MALRD1: variants seen among roughly 807,000 people sequenced by gnomAD.
MALRD1 encodes MAM and LDL-receptor class A domain-containing protein 1.
In MALRD1, 247 loss-of-function variants were observed where a neutral mutation model predicts 242.1. The ratio of observed to expected loss-of-function variants is 1.02; its 90% CI spans 0.92 to 1.13. The LOEUF (loss-of-function observed/expected upper bound fraction) is 1.13, where lower values mean the gene tolerates loss of function less well. Ranked by LOEUF, MALRD1 falls within the 50% of genes most tolerant of loss-of-function variation. The pLI, the probability that MALRD1 is intolerant of heterozygous loss-of-function variation, is 0.00. For missense variants in MALRD1, 2,989 were observed against 2,533.1 expected (o/e 1.18, Z -3.86); for synonymous variants, 995 against 866.6 (o/e 1.15, Z -2.60).
chr10:19,495,051 A>G (rs1357150578), intron 30 of MALRD1, among the ~76,000 whole-genome samples: 1 of 151,116 alleles, frequency 6.6e-6, no homozygotes, highest in African/African-American at 2.4e-5. Flanking sequence ...ATCTCAGCTC[A>G]CTGCAACCTC....
At chr10:19,640,432 T>C (rs981309452) in intron 36 of MALRD1, among the ~76,000 whole-genome samples, 1 of 152,138 alleles carries the variant, frequency 6.6e-6, no homozygotes, top group African/African-American at 2.4e-5. Flanking sequence ...TAGGGTCCCA[T>C]TGCAACATCC....
chr10:19,462,765 A>G (rs1836009464), intron 29 of MALRD1, among the ~76,000 whole-genome samples: 2 of 152,340 alleles, frequency 1.3e-5, no homozygotes, highest in South Asian at 4.1e-4. Flanking sequence ...ATAAAAAGTA[A>G]TGAACTGCAC....
At chr10:19,358,582 C>T (rs1047073049) in intron 26 of MALRD1, among the ~76,000 whole-genome samples, 2 of 152,172 alleles carry the variant, frequency 1.3e-5, no homozygotes, top group African/African-American at 4.8e-5. Flanking sequence ...TGCTTACTAA[C>T]TGTGTGATGT....
At chr10:19,627,230 G>A (rs12358323) in intron 36 of MALRD1, among the ~76,000 whole-genome samples, 6,567 of 152,052 alleles carry the variant, frequency 0.043, 193 homozygotes, top group Middle Eastern at 0.093. Context: ...TAGGGGAAAA[G>A]CATAAAATTT....
At chr10:19,174,048 C>G (rs1398494223) in intron 13 of MALRD1, among the ~76,000 whole-genome samples, 2 of 152,154 alleles carry the variant, frequency 1.3e-5, no homozygotes, top group Admixed American at 1.3e-4. Flanking sequence ...CCAGGGAAAA[C>G]TCTCTATGTT....
chr10:19,608,086 A>T (rs960849540), intron 35 of MALRD1, among the ~76,000 whole-genome samples, 184 bp downstream of exon 35: 1 of 152,128 alleles, frequency 6.6e-6, no homozygotes, highest in African/African-American at 2.4e-5. Context: ...TATTATAAAC[A>T]TATAATGGGC....
chr10:19,357,169 G>A (rs1844676719), intron 26 of MALRD1, among the ~76,000 whole-genome samples: 1 of 151,776 alleles, frequency 6.6e-6, no homozygotes, highest in South Asian at 2.1e-4. Context: ...TGAAAGCACA[G>A]GCACCATGTT....
In MALRD1 at chr10:19,563,799, G is replaced by C. The variant is rs553235023; in HGVS notation, c.5479-3703G>C. Among the ~76,000 whole-genome samples the C allele has an allele frequency of 3.7e-4, 57 of 152,304 alleles. No homozygotes were observed. The South Asian group carries it at 0.011, about 28-fold the overall frequency. On this transcript the variant is annotated intron_variant, in intron 32 of 39. Transcript: ENST00000454679. ...TCTAATACACATCTGATATAGGTTG[G>C]ATGTCCCCTCCAAATCATATTGAGG...
intron 14 of MALRD1, among the ~76,000 whole-genome samples, chr10:19,177,553 G>T (rs1185290783): frequency 6.6e-6 from 1 of 152,024 alleles, no homozygotes; most frequent in Non-Finnish European, 1.5e-5. Context: ...TGAGAGAAAA[G>T]CATAACAAAT....
Position 19,458,043 on chromosome 10 carries a change from T to A in MALRD1, c.5029+7553T>A, listed in dbSNP as rs149354119. Among the ~76,000 whole-genome samples, 35 of 152,132 alleles carry A rather than the reference T, an allele frequency of 2.3e-4. 1 individual carries two copies. The highest frequency in any genetic ancestry group is 2.3e-3 in the Admixed American group (35 of 15,260). On this transcript the variant is annotated intron_variant, in intron 29 of 39. Coordinates refer to ENST00000454679, the MANE Select transcript of MALRD1 (RefSeq NM_001142308.3). Reference sequence around the variant, plus strand: ...CTTTCTTTACCTGATTATATATGACTATTTTTATACTAGGTTTCTTTATAC... The same window carrying A: ...CTTTCTTTACCTGATTATATATGACAATTTTTATACTAGGTTTCTTTATAC...
intron 36 of MALRD1, among the ~76,000 whole-genome samples, chr10:19,676,816 C>T (rs939487730): frequency 6.6e-6 from 1 of 152,112 alleles, no homozygotes; most frequent in Non-Finnish European, 1.5e-5. Context: ...TTTCCTGATG[C>T]TCTCCCTCTC....
At chr10:19,425,891 C>T (rs1403378766) in intron 28 of MALRD1, among the ~76,000 whole-genome samples, 1 of 152,092 alleles carries the variant, frequency 6.6e-6, no homozygotes. Context: ...TTAGTCTTGC[C>T]TCCTGCCCAA....
intron 28 of MALRD1, among the ~76,000 whole-genome samples, chr10:19,405,215 C>G (rs10128424): frequency 0.6 from 91,296 of 151,996 alleles, 28,230 homozygotes; most frequent in Non-Finnish European, 0.68. Context: ...GTTAGAACTA[C>G]TGGTAGAATG....
chr10:19,166,077 C>G (rs1834674076), intron 13 of MALRD1, among the ~76,000 whole-genome samples: 1 of 152,156 alleles, frequency 6.6e-6, no homozygotes, highest in South Asian at 2.1e-4. Context: ...GTTGTTTTGA[C>G]TATGCACTTA....
chr10:19,602,727 G>C (rs2131580586), intron 34 of MALRD1, among the ~76,000 whole-genome samples: 1 of 152,178 alleles, frequency 6.6e-6, no homozygotes, highest in South Asian at 2.1e-4. Context: ...GGGATGGCTG[G>C]GTCAAATGGT....
Position 19,085,574 on chromosome 10 carries a change from G to A in MALRD1, c.341-2266G>A, listed in dbSNP as rs191394462. ...AAACCTTTACTTTCTACTATAACCTGAAGATTAACCTTTATTGAATATTTG... is the reference window on the plus strand; with the variant it reads ...AAACCTTTACTTTCTACTATAACCTAAAGATTAACCTTTATTGAATATTTG... On this transcript the variant is annotated intron_variant, in intron 2 of 39. Transcript: ENST00000454679. Among the ~76,000 whole-genome samples, 23 of 151,912 alleles carry A rather than the reference G, an allele frequency of 1.5e-4. No individual in the cohort carries two copies. In the South Asian group the frequency reaches 2.3e-3, roughly 15 times the overall value.
chr10:19,169,879 A>G (rs1446627000), intron 13 of MALRD1, among the ~76,000 whole-genome samples: 1 of 152,206 alleles, frequency 6.6e-6, no homozygotes, highest in Non-Finnish European at 1.5e-5. Flanking sequence ...CACGTGTCTA[A>G]GCTCTGAACA....
chr10:19,440,558 T>C (rs933131715), intron 28 of MALRD1, among the ~76,000 whole-genome samples: 19 of 152,254 alleles, frequency 1.2e-4, no homozygotes, highest in Middle Eastern at 3.4e-3. Flanking sequence ...GTGTTCTCAT[T>C]GTTCAATTCC....
chr10:19,259,463 C>G (rs1839653203), intron 19 of MALRD1, among the ~76,000 whole-genome samples: 2 of 152,086 alleles, frequency 1.3e-5, no homozygotes. Flanking sequence ...GAAGGAGGAG[C>G]AAAGTCAAGT....
Sources: allele counts gnomAD v4.1 joint callset (sites outside exome capture counted in the v4.1 genomes callset), GRCh38; gene constraint gnomAD v4.1.1; transcripts MANE v1.5; gene names NCBI Gene and HGNC (gene_info 2026-07-23, HGNC 2026-07-21).